Variants in MYH7 observed in about 807,000 individuals in gnomAD.
MYH7 encodes myosin heavy chain 7.
A neutral mutation model predicts 225.4 loss-of-function variants in MYH7; 129 were observed. That is an observed-to-expected ratio of 0.57 (90% CI 0.50 to 0.66). The LOEUF (loss-of-function observed/expected upper bound fraction) is 0.66, where lower values mean the gene tolerates loss of function less well. MYH7 is among the 30% of genes least tolerant of loss of function. The pLI, the probability that MYH7 is intolerant of heterozygous loss-of-function variation, is 0.00. For synonymous variants in MYH7, 971 were observed against 1,007.6 expected, an observed-to-expected ratio of 0.96 and a Z score of 0.69; for missense variants, 1,649 against 2,517.0, an observed-to-expected ratio of 0.66 and a Z score of 7.38.
At chr14:23,420,913 A>G in intron 26 of MYH7, 45 bp downstream of exon 26, 1 of 1,484,540 alleles carries the variant, frequency 6.7e-7, no homozygotes, top group East Asian at 2.3e-5. Flanking sequence ...GGGAAACAGA[A>G]CCAGCCCAGG....
chr14:23,431,908 A>G (rs1892962483), intron 6 of MYH7, 39 bp from the exon 7 acceptor site: 1 of 1,588,388 alleles, frequency 6.3e-7, no homozygotes, highest in East Asian at 2.2e-5. Flanking sequence ...GAACAATACT[A>G]CTGGAGACCA....
rs138294643 is a variant in MYH7 at position 23,422,269 on chromosome 14, C to T, written c.3156G>A (p.Lys1052=). 175 of 1,614,156 alleles carry T rather than the reference C, an allele frequency of 1.1e-4. 1 individual carries two copies. The African/African-American group carries it at 1.9e-3, about 18-fold the overall frequency. ...GCTTCAGGTCGCCCTCCAGCTTCCGCTTCGCTCGCTCCAGGTCCATGCGCA... is the reference window on the plus strand; with the variant it reads ...GCTTCAGGTCGCCCTCCAGCTTCCGTTTCGCTCGCTCCAGGTCCATGCGCA... The part of the protein sequence containing the change: ...KKVRMDLERA[K]RKLEGDLKLT... The change falls in exon 25 of 40, where the codon AAG becomes AAA. Residue 1052 remains lysine, a synonymous_variant. Transcript: ENST00000355349.
chr14:23,430,338 G>A (rs916129), intron 11 of MYH7, among the ~76,000 whole-genome samples: 2 of 152,112 alleles, frequency 1.3e-5, no homozygotes, highest in Non-Finnish European at 2.9e-5. Flanking sequence ...CTGTCTCATG[G>A]CTTTCAGCTC....
rs370069461 is a variant in MYH7, at chr14:23,417,669, C to T, written c.4187G>A (p.Arg1396Gln). ...CACGGCCTCCTCAGCTTCCTGCAGC[C>T]GCTGGGCCAGCTTCTTCCTGCCCAG... ...LEEAKKKLAQ[R>Q]LQEAEEAVEA... Residue 1396 changes from arginine (R) to glutamine (Q), a missense_variant, in exon 31 of 40, where the codon CGG (arginine) becomes CAG (glutamine). By Grantham distance (43) the Arg-to-Gln change is conservative. Around this residue, in one of 12 missense-constraint regions of MYH7, gnomAD observed 687 missense variants for 913.8 expected, o/e 0.75. Coordinates refer to ENST00000355349, the MANE Select transcript of MYH7 (RefSeq NM_000257.4). 4.3e-6 allele frequency: 7 copies of T among 1,612,956 alleles called. No homozygotes were observed. Among genetic ancestry groups the T allele is most frequent in the Middle Eastern group, 2.0e-4 (1 of 5,056 alleles).
intron 39 of MYH7, 25 bp from the exon 40 acceptor site, chr14:23,412,896 T>TCA (rs1211485631): frequency 1.2e-6 from 2 of 1,613,042 alleles, no homozygotes; most frequent in African/African-American, 2.7e-5. Flanking sequence ...CAAAGTCCAA[T>TCA]CAGTCCTTGG....
rs1566538923 is a variant in MYH7 at position 23,433,822 on chromosome 14, C to A, written c.-8-82G>T. On this transcript the variant is annotated intron_variant, in intron 2 of 39. Transcript: ENST00000355349. This position sits in a 1 kb window ranked among gnomAD's most constrained non-coding sequence, Gnocchi z 4.1. ...TGGGCTCTCCCCTTCAGTGGGAGCC[C>A]CAAAACCTAGCACCATGCTCAAGAG... The A allele has an allele frequency of 1.4e-6, 2 of 1,384,098 alleles. No individual in the cohort carries two copies. The highest frequency in any genetic ancestry group is 4.7e-5 in the East Asian group (2 of 42,980). 85.7% of individuals were successfully genotyped at this position (1,384,098 alleles called of 1,614,324 possible).
intron 32 of MYH7, 64 bp from the exon 33 acceptor site, chr14:23,417,056 G>A (rs1892244431): frequency 2.3e-5 from 37 of 1,613,898 alleles, no homozygotes; most frequent in Non-Finnish European, 2.9e-5. Context: ...GGAGGGACAC[G>A]CCTCTTTGCC....
chr14:23,430,484 T>A (rs2138678866), intron 11 of MYH7, 76 bp downstream of exon 11: 2 of 1,184,316 alleles, frequency 1.7e-6, no homozygotes, highest in Non-Finnish European at 2.5e-6. Context: ...GCCAGCGTCT[T>A]AGCTCTGCTT....
At chr14:23,432,822 T>C (rs778684076) in intron 4 of MYH7, 27 bp from the exon 5 acceptor site, 87 of 1,613,834 alleles carry the variant, frequency 5.4e-5, no homozygotes, top group Non-Finnish European at 3.4e-6. Flanking sequence ...AGCAGTGACT[T>C]GCCAGTTGCG....
chr14:23,413,566 CAAAAA>C (rs4048657), intron 39 of MYH7, among the ~76,000 whole-genome samples, 188 bp downstream of exon 39: 6 of 109,742 alleles, frequency 5.5e-5, no homozygotes, highest in African/African-American at 2.9e-5. Context: ...GACACCGTCT[CAAAAA>C]AAAAAAAAAA....
Position 23,415,759 on chromosome 14 carries a change from C to T in MYH7, c.5027G>A (p.Arg1676Gln), listed in dbSNP as rs1451176863. The stretch of plus-strand genomic sequence containing the variant: ...CTCAGCCTGCAGCAGGTTGTTGCGC[C>T]GCTCCACGATGGCGATGTTCTCCTT... ...DLKENIAIVE[R>Q]RNNLLQAELE... The change falls in exon 35 of 40, where the codon CGG (arginine) becomes CAG (glutamine). Residue 1676 changes from arginine (R) to glutamine (Q), a missense_variant. Arg to Gln is a conservative substitution (Grantham distance 43). Around this residue, in one of 12 missense-constraint regions of MYH7, gnomAD observed 687 missense variants for 913.8 expected, o/e 0.75. Coordinates refer to ENST00000355349, the MANE Select transcript of MYH7 (RefSeq NM_000257.4). The surrounding 1 kb of genome is among the most constrained non-coding windows in gnomAD (Gnocchi z 6.3). 3.1e-6 allele frequency: 5 copies of T among 1,614,062 alleles called. No homozygotes were observed. The highest frequency in any genetic ancestry group is 2.2e-5 in the East Asian group (1 of 44,874).
At chr14:23,434,966 G>T (rs1187325556) in intron 1 of MYH7, among the ~76,000 whole-genome samples, 1 of 151,992 alleles carries the variant, frequency 6.6e-6, no homozygotes, top group Non-Finnish European at 1.5e-5. Flanking sequence ...TGCCATATAT[G>T]CCTCAACAGC....
At chr14:23,418,137 G>A (rs1343922243) in intron 30 of MYH7, 73 bp downstream of exon 30, 6 of 1,606,772 alleles carry the variant, frequency 3.7e-6, no homozygotes, top group Admixed American at 1.7e-5. Context: ...TGTGGGATCT[G>A]CTGAGGCTGG....
At position 23,424,126 on chromosome 14, in the gene MYH7, A is replaced by G. The variant is rs1595081899; in HGVS notation, c.2703T>C (p.Ala901=). Residue 901 remains alanine, a synonymous_variant, in exon 23 of 40, where the codon GCT becomes GCC. Transcript: ENST00000355349. ...TGATCAGCTGATCACAGCGCTCCTC[A>G]GCATCTGCCAGGTTGTCTTGTTCCT... ...VQAEQDNLAD[A]EERCDQLIKN... 1 of 1,614,126 alleles carries G rather than the reference A, an allele frequency of 6.2e-7. No individual in the cohort carries two copies. Among genetic ancestry groups the G allele is most frequent in the Non-Finnish European group, 8.5e-7 (1 of 1,180,026 alleles).
Position 23,425,068 on chromosome 14 carries a change from T to C in MYH7, c.2424-44A>G. ...AGGAGTGCTGAGCCTCCTGCCTCCT[T>C]CCTACCTGAGGTCCTGAAACCTTGG... On this transcript the variant is annotated intron_variant, in intron 21 of 39. Transcript: ENST00000355349. The surrounding 1 kb of genome is among the most constrained non-coding windows in gnomAD (Gnocchi z 4.6). 6.2e-7 allele frequency: 1 copy of C among 1,613,898 alleles called. No individual in the cohort carries two copies. Among genetic ancestry groups the C allele is most frequent in the Non-Finnish European group, 8.5e-7 (1 of 1,179,986 alleles).
chr14:23,415,756 C>A lies in MYH7; in HGVS notation c.5030G>T (p.Arg1677Leu). ...LKENIAIVER[R>L]NNLLQAELEE... ...CAGCTCAGCCTGCAGCAGGTTGTTGCGCCGCTCCACGATGGCGATGTTCTC... is the reference window on the plus strand; with the variant it reads ...CAGCTCAGCCTGCAGCAGGTTGTTGAGCCGCTCCACGATGGCGATGTTCTC... Residue 1677 changes from arginine to leucine, a missense_variant, in exon 35 of 40, where the codon CGC becomes CTC. Arg to Leu is a moderately radical substitution (Grantham distance 102). Transcript: ENST00000355349. This position sits in a 1 kb window ranked among gnomAD's most constrained non-coding sequence, Gnocchi z 6.3. 6.2e-7 allele frequency: 1 copy of A among 1,614,198 alleles called. No individual in the cohort carries two copies.
At position 23,427,345 on chromosome 14, in the gene MYH7, G is replaced by A. The variant is rs192199901; in HGVS notation, c.1889-38C>T. The A allele has an allele frequency of 7.0e-5, 113 of 1,610,512 alleles. 1 individual carries two copies. The East Asian group carries it at 2.4e-3, about 34-fold the overall frequency. On this transcript the variant is annotated intron_variant, in intron 16 of 39. Coordinates refer to ENST00000355349, the MANE Select transcript of MYH7 (RefSeq NM_000257.4). ...GAGTCAACAAAAGAAGCATCAGTGTGGGGAGGTAGGGTGTGAGTAAAGAAT... is the reference window on the plus strand; with the variant it reads ...GAGTCAACAAAAGAAGCATCAGTGTAGGGAGGTAGGGTGTGAGTAAAGAAT...
intron 32 of MYH7, 65 bp from the exon 33 acceptor site, chr14:23,417,057 C>A (rs1892244537): frequency 6.2e-7 from 1 of 1,614,056 alleles, no homozygotes; most frequent in Non-Finnish European, 8.5e-7. Context: ...GAGGGACACG[C>A]CTCTTTGCCC....
intron 14 of MYH7, 67 bp from the exon 15 acceptor site, chr14:23,428,737 G>A (rs45496003): frequency 1.1e-4 from 174 of 1,610,576 alleles, no homozygotes; most frequent in Non-Finnish European, 1.3e-4. Context: ...GGCTGTGCCC[G>A]TCCACTGTGC....
Sources: allele counts gnomAD v4.1 joint callset (sites outside exome capture counted in the v4.1 genomes callset), GRCh38; gene constraint gnomAD v4.1.1; regional missense constraint gnomAD v4.1.1; non-coding constraint Gnocchi (gnomAD v3.1); transcripts MANE v1.5; gene names NCBI Gene and HGNC (gene_info 2026-07-23, HGNC 2026-07-21).